KCNC2: variants seen among roughly 807,000 people sequenced by gnomAD.
KCNC2 encodes potassium voltage-gated channel subfamily C member 2.
A neutral mutation model predicts 44.5 loss-of-function variants in KCNC2; 21 were observed. That is an observed-to-expected ratio of 0.47 (90% CI 0.33 to 0.68). The LOEUF is 0.68. Ranked by LOEUF, KCNC2 falls within the 30% of genes least tolerant of loss-of-function variation. The pLI is 0.01. For synonymous variants in KCNC2, 391 were observed against 339.1 expected, an observed-to-expected ratio of 1.15 and a Z score of -1.68; for missense variants, 589 against 826.2, an observed-to-expected ratio of 0.71 and a Z score of 3.52.
chr12:75,043,925 C>T (rs971783551), intron 4 of KCNC2: 25 of 581,396 alleles, frequency 4.3e-5, no homozygotes, highest in Middle Eastern at 4.8e-4. Flanking sequence ...CAGCTGATTT[C>T]CACCCCCGAC....
At chr12:75,098,711 A>G (rs1369901852) in intron 2 of KCNC2, among the ~76,000 whole-genome samples, 1 of 152,022 alleles carries the variant, frequency 6.6e-6, no homozygotes, top group Admixed American at 6.6e-5. Context: ...GTGAGCTGAG[A>G]TCATGCCACT....
intron 4 of KCNC2, chr12:75,043,814 C>A: frequency 1.4e-6 from 2 of 1,446,418 alleles, no homozygotes; most frequent in East Asian, 2.5e-5. Context: ...TTTCTAATTC[C>A]TTGGGTAAGA....
chr12:75,191,719 T>C (rs2030292812), intron 2 of KCNC2, among the ~76,000 whole-genome samples: 1 of 150,844 alleles, frequency 6.6e-6, no homozygotes, highest in Non-Finnish European at 1.5e-5. Flanking sequence ...CCCGGCTAAT[T>C]TTTTGTATTT....
At chr12:75,186,096 A>AAAT (rs1892928898) in intron 2 of KCNC2, among the ~76,000 whole-genome samples, 4 of 141,248 alleles carry the variant, frequency 2.8e-5, no homozygotes, top group Admixed American at 2.1e-4. Flanking sequence ...AATAAATAAA[A>AAAT]ATTTTATTGT....
chr12:75,175,836 T>C (rs763228857), intron 2 of KCNC2, among the ~76,000 whole-genome samples: 1 of 152,092 alleles, frequency 6.6e-6, no homozygotes, highest in East Asian at 1.9e-4. Flanking sequence ...TATTCAATAA[T>C]AGTTTAAGAA....
At chr12:75,051,814 A>G (rs898812450) in intron 2 of KCNC2, among the ~76,000 whole-genome samples, 1 of 151,718 alleles carries the variant, frequency 6.6e-6, no homozygotes, top group South Asian at 2.1e-4. Context: ...TGTTCTGGAT[A>G]TCGTATGGTA....
intron 2 of KCNC2, among the ~76,000 whole-genome samples, chr12:75,137,475 A>T (rs1356577896): frequency 6.6e-6 from 1 of 152,176 alleles, no homozygotes; most frequent in African/African-American, 2.4e-5. Flanking sequence ...TCATCAGACC[A>T]TGGAAAACAT....
intron 1 of KCNC2, among the ~76,000 whole-genome samples, chr12:75,208,428 T>C (rs1171147568): frequency 6.6e-6 from 1 of 150,540 alleles, no homozygotes; most frequent in Non-Finnish European, 1.5e-5. Context: ...CCCCCTCCTT[T>C]GCCCCATTCT....
intron 2 of KCNC2, among the ~76,000 whole-genome samples, chr12:75,076,354 G>A (rs1260654992): frequency 2.9e-4 from 5 of 17,432 alleles, no homozygotes; most frequent in African/African-American, 3.2e-4. Context: ...CTCACTGCAA[G>A]CTCCGCCTCG....
In KCNC2 at chr12:75,096,765, C is replaced by A. The variant is rs564257643; in HGVS notation, c.688-45448G>T. Among the ~76,000 whole-genome samples the A allele has an allele frequency of 7.9e-5, 12 of 152,064 alleles. 1 individual carries two copies. The South Asian group carries it at 2.5e-3, about 32-fold the overall frequency. On this transcript the variant is annotated intron_variant, in intron 2 of 4. Coordinates refer to ENST00000549446, the MANE Select transcript of KCNC2 (RefSeq NM_139137.4). ...TCATATTTAATCAGTTGAAACAAAC[C>A]CTGAAATTTAGAGATTAAGACAGAA...
intron 2 of KCNC2, among the ~76,000 whole-genome samples, chr12:75,108,606 C>G (rs1015869032): frequency 2.0e-5 from 3 of 152,188 alleles, no homozygotes; most frequent in Non-Finnish European, 4.4e-5. Context: ...CTGCCTTTAT[C>G]CATTCCAAAA....
At chr12:75,146,116 G>T (rs762775074) in intron 2 of KCNC2, among the ~76,000 whole-genome samples, 1 of 151,814 alleles carries the variant, frequency 6.6e-6, no homozygotes, top group Non-Finnish European at 1.5e-5. Flanking sequence ...CACCACGCCC[G>T]GCTAATATTT....
chr12:75,105,679 T>C (rs1193416459), intron 2 of KCNC2, among the ~76,000 whole-genome samples: 1 of 152,164 alleles, frequency 6.6e-6, no homozygotes, highest in East Asian at 1.9e-4. Flanking sequence ...AGCATTAAAC[T>C]TGACTTGAAA....
intron 2 of KCNC2, among the ~76,000 whole-genome samples, chr12:75,138,873 C>G (rs1167447174): frequency 6.7e-6 from 1 of 149,924 alleles, no homozygotes; most frequent in Non-Finnish European, 1.5e-5. Flanking sequence ...CCCAGCTACT[C>G]GGGAGGCTGA....
rs550687199 is a variant in KCNC2, at chr12:75,057,107, G to A, written c.688-5790C>T. Among the ~76,000 whole-genome samples the A allele has an allele frequency of 8.5e-5, 13 of 152,084 alleles. No homozygotes were observed. The South Asian group carries it at 1.9e-3, about 22-fold the overall frequency. ...AATTTTAAAACAAAATTCAAAGTAA[G>A]TAATAACCAAGAGAAGGTTAAGCCT... is the stretch of plus-strand genomic sequence containing the variant. On this transcript the variant is annotated intron_variant, in intron 2 of 4. Coordinates refer to ENST00000549446, the MANE Select transcript of KCNC2 (RefSeq NM_139137.4).
chr12:75,123,553 T>G (rs1042107024), intron 2 of KCNC2, among the ~76,000 whole-genome samples: 3 of 152,148 alleles, frequency 2.0e-5, no homozygotes, highest in Non-Finnish European at 4.4e-5. Context: ...AGGAAACCAA[T>G]AGAGCAACAT....
At chr12:75,072,847 A>G (rs920970635) in intron 2 of KCNC2, among the ~76,000 whole-genome samples, 1 of 152,220 alleles carries the variant, frequency 6.6e-6, no homozygotes, top group African/African-American at 2.4e-5. Flanking sequence ...ATTTTAAGAC[A>G]TAAATCTGTC....
intron 2 of KCNC2, among the ~76,000 whole-genome samples, chr12:75,197,272 C>T (rs899982429): frequency 6.6e-6 from 1 of 151,976 alleles, no homozygotes; most frequent in Non-Finnish European, 1.5e-5. Context: ...TTCCACCCTC[C>T]CTGTTCTCTC....
chr12:75,098,413 C>T (rs1490373745), intron 2 of KCNC2, among the ~76,000 whole-genome samples: 1 of 152,120 alleles, frequency 6.6e-6, no homozygotes, highest in African/African-American at 2.4e-5. Flanking sequence ...TCTAAACCTA[C>T]TGTAAATCCC....
Sources: gnomAD v4.1 joint callset for allele counts (sites outside exome capture counted in the v4.1 genomes callset) on GRCh38, gnomAD v4.1.1 for gene constraint, MANE v1.5 for transcripts, NCBI Gene and HGNC (gene_info 2026-07-23, HGNC 2026-07-21) for gene names.